SHFL: variants seen among roughly 807,000 people sequenced by gnomAD.
SHFL encodes the protein shiftless antiviral inhibitor of ribosomal frameshifting.
SHFL carries 12 observed loss-of-function variants against 34.7 expected under a neutral mutation model. The ratio of observed to expected loss-of-function variants is 0.35; its 90% CI spans 0.22 to 0.56. The LOEUF is 0.56. Ranked by LOEUF, SHFL falls within the 20% of genes least tolerant of loss-of-function variation. The pLI is 0.88. For synonymous variants in SHFL, 148 were observed against 156.0 expected, an observed-to-expected ratio of 0.95 and a Z score of 0.38; for missense variants, 278 against 411.1, an observed-to-expected ratio of 0.68 and a Z score of 2.80.
chr19:10,087,375 G>A (rs779695207), intron 3 of SHFL, 75 bp downstream of exon 3: 2 of 1,512,180 alleles, frequency 1.3e-6, no homozygotes, highest in Non-Finnish European at 1.8e-6. Flanking sequence ...ACCCGTTCAT[G>A]GTGACTGACC....
In SHFL at chr19:10,091,905, C is replaced by A; in HGVS notation, c.644-165C>A. On this transcript the variant is annotated intron_variant, in intron 7 of 7. Coordinates refer to ENST00000253110, the MANE Select transcript of SHFL (RefSeq NM_018381.4). The surrounding 1 kb of genome is among the most constrained non-coding windows in gnomAD (Gnocchi z 8.2). ...CTGTAATCTCAGGTGACCCCCATGT[C>A]CCCAGGTCTCCTGTATCTTCAACAC... 1.1e-6 allele frequency: 1 copy of A among 919,850 alleles called. No homozygotes were observed. 57.0% of individuals were successfully genotyped at this position (919,850 alleles called of 1,614,324 possible).
rs763222546 is a variant in SHFL at position 10,090,002 on chromosome 19, C to G, written c.339C>G (p.Ser113=). 6.2e-7 allele frequency: 1 copy of G among 1,608,116 alleles called. No homozygotes were observed. Among genetic ancestry groups the G allele is most frequent in the Non-Finnish European group, 8.5e-7 (1 of 1,177,752 alleles). ...IPAVDRQFAC[S]SCDHVWWRRV... Reference sequence around the variant, plus strand: ...CTGTGGACCGGCAGTTTGCCTGCTCCTCCTGCGACCACGTCTGGTGGCGCC... The same window carrying G: ...CTGTGGACCGGCAGTTTGCCTGCTCGTCCTGCGACCACGTCTGGTGGCGCC... Residue 113 remains serine (S), a synonymous_variant, in exon 5 of 8, where the codon TCC becomes TCG. Coordinates refer to ENST00000253110, the MANE Select transcript of SHFL (RefSeq NM_018381.4).
At position 10,086,913 on chromosome 19, in the gene SHFL, CCT is replaced by C. The variant is rs780928721; in HGVS notation, c.22-15_22-14del. ...TTTCCCCTTCCCCCACCGGAACCCC[CCT>C]GTCTCCATCCCAGCTGGAGAAGAGC... On this transcript the variant is annotated splice_polypyrimidine_tract_variant and intron_variant, in intron 1 of 7. Coordinates refer to ENST00000253110, the MANE Select transcript of SHFL (RefSeq NM_018381.4). The surrounding 1 kb of genome is among the most constrained non-coding windows in gnomAD (Gnocchi z 5.2). 15 of 1,613,402 alleles carry C rather than the reference CCT, an allele frequency of 9.3e-6. No individual in the cohort carries two copies. The highest frequency in any genetic ancestry group is 6.7e-5 in the African/African-American group (5 of 74,928).
chr19:10,092,216 C>G lies in SHFL; in HGVS notation c.790C>G (p.Leu264Val), dbSNP rs1242080141. Reference protein sequence around the residue: ...CLSQGGLLEDLDNLILEDLKE... With the variant: ...CLSQGGLLEDVDNLILEDLKE... ...GAGCCAGGGTGGCCTCCTGGAAGAC[C>G]TGGACAACCTCATCCTGGAGGACCT... Residue 264 changes from leucine to valine, a missense_variant, in exon 8 of 8, where the codon CTG (leucine) becomes GTG (valine). Leu to Val is a conservative substitution (Grantham distance 32). This residue lies in a region of SHFL where 243 missense variants were observed against 386.2 expected (regional missense o/e 0.63). Transcript: ENST00000253110. 6.8e-6 allele frequency: 11 copies of G among 1,613,348 alleles called. No homozygotes were observed. Among genetic ancestry groups the G allele is most frequent in the Non-Finnish European group, 9.3e-6 (11 of 1,179,670 alleles).
In SHFL at chr19:10,086,639, C is replaced by T; in HGVS notation, c.21+191C>T. On this transcript the variant is annotated intron_variant, in intron 1 of 7. Transcript: ENST00000253110. The surrounding 1 kb of genome is among the most constrained non-coding windows in gnomAD (Gnocchi z 5.2). ...GTTTCCCCAGAGCGAAATGAGGCCT[C>T]CCCGAGGAAAAGCGGGGGCTGCAGG... 1 of 580,028 alleles carries T rather than the reference C, an allele frequency of 1.7e-6. No individual in the cohort carries two copies. The highest frequency in any genetic ancestry group is 2.8e-6 in the Non-Finnish European group (1 of 357,426). 35.9% of individuals were successfully genotyped at this position (580,028 alleles called of 1,614,324 possible). A position where few individuals can be genotyped will look rare whatever the true frequency, so the allele number is the denominator to read the frequency against.
In SHFL at chr19:10,091,924, T is replaced by G; in HGVS notation, c.644-146T>G. The stretch of plus-strand genomic sequence containing the variant: ...CCATGTCCCCAGGTCTCCTGTATCT[T>G]CAACACCCCTGAATGTCCAGTTGTG... On this transcript the variant is annotated intron_variant, in intron 7 of 7. Transcript: ENST00000253110. The surrounding 1 kb of genome is among the most constrained non-coding windows in gnomAD (Gnocchi z 8.2). The G allele has an allele frequency of 9.5e-7, 1 of 1,057,844 alleles. No homozygotes were observed. The highest frequency in any genetic ancestry group is 1.4e-6 in the Non-Finnish European group (1 of 726,216). 65.5% of individuals were successfully genotyped at this position (1,057,844 alleles called of 1,614,324 possible). A position where few individuals can be genotyped will look rare whatever the true frequency, so the allele number is the denominator to read the frequency against.
At chr19:10,087,581 G>A (rs555087049) in intron 3 of SHFL, 30 of 516,168 alleles carry the variant, frequency 5.8e-5, no homozygotes, top group Middle Eastern at 3.0e-4. Context: ...CCATCATAGC[G>A]GGGGCGCAGA....
In SHFL at chr19:10,086,726, G is replaced by C; in HGVS notation, c.22-203G>C. 1.5e-6 allele frequency: 1 copy of C among 658,650 alleles called. No homozygotes were observed. Among genetic ancestry groups the C allele is most frequent in the Non-Finnish European group, 2.5e-6 (1 of 392,688 alleles). 40.8% of individuals were successfully genotyped at this position (658,650 alleles called of 1,614,324 possible). A position where few individuals can be genotyped will look rare whatever the true frequency, so the allele number is the denominator to read the frequency against. Reference sequence around the variant, plus strand: ...CCCCACACCTTAGGCTGGGACGCTCGCCCCAGTCCGCGCCTTCCCCCAACG... The same window carrying C: ...CCCCACACCTTAGGCTGGGACGCTCCCCCCAGTCCGCGCCTTCCCCCAACG... On this transcript the variant is annotated intron_variant, in intron 1 of 7. Transcript: ENST00000253110. This position sits in a 1 kb window ranked among gnomAD's most constrained non-coding sequence, Gnocchi z 5.2.
intron 3 of SHFL, chr19:10,089,248 G>A: frequency 6.5e-7 from 1 of 1,538,222 alleles, no homozygotes; most frequent in Non-Finnish European, 8.8e-7. Context: ...GCTTGCCCAA[G>A]TCCCCACAGC....
At chr19:10,087,624 C>A in intron 3 of SHFL, 1 of 326,610 alleles carries the variant, frequency 3.1e-6, no homozygotes, top group African/African-American at 2.3e-5. Flanking sequence ...GAGGAGGTAC[C>A]AAGTCTTAAA....
rs543553171 is a variant in SHFL at position 10,091,862 on chromosome 19, G to A, written c.644-208G>A. 3.5e-5 allele frequency: 31 copies of A among 888,450 alleles called. No homozygotes were observed. The highest frequency in any genetic ancestry group is 4.6e-5 in the Non-Finnish European group (28 of 603,978). 55.0% of individuals were successfully genotyped at this position (888,450 alleles called of 1,614,324 possible). A position where few individuals can be genotyped will look rare whatever the true frequency, so the allele number is the denominator to read the frequency against. On this transcript the variant is annotated intron_variant, in intron 7 of 7. Coordinates refer to ENST00000253110, the MANE Select transcript of SHFL (RefSeq NM_018381.4). This position sits in a 1 kb window ranked among gnomAD's most constrained non-coding sequence, Gnocchi z 8.2. ...TCTGCCCCCATGGTCTCTGGGTTTG[G>A]GGCCCCTGTTTTGTCCCCTGTAATC...
intron 3 of SHFL, chr19:10,089,246 A>C (rs1568463806): frequency 6.5e-7 from 1 of 1,528,714 alleles, no homozygotes; most frequent in Admixed American, 1.8e-5. Context: ...TGGCTTGCCC[A>C]AGTCCCCACA....
chr19:10,090,105 T>C (rs2145156189), intron 5 of SHFL, 58 bp downstream of exon 5: 3 of 1,540,816 alleles, frequency 1.9e-6, no homozygotes, highest in Non-Finnish European at 2.6e-6. Flanking sequence ...TCCTGACTCC[T>C]ATCCTCAGTG....
Position 10,091,791 on chromosome 19 carries a change from T to C in SHFL, c.643+161T>C. ...GTCTCCGTGGTCTTGCCCAGGAGGC[T>C]CTGAGGTTTCACCCCAGTGGCCCGT... On this transcript the variant is annotated intron_variant, in intron 7 of 7. Transcript: ENST00000253110. The surrounding 1 kb of genome is among the most constrained non-coding windows in gnomAD (Gnocchi z 8.2). 8.9e-7 allele frequency: 1 copy of C among 1,117,456 alleles called. No individual in the cohort carries two copies. Among genetic ancestry groups the C allele is most frequent in the Non-Finnish European group, 1.2e-6 (1 of 807,812 alleles). The allele number at this position is 1,117,456 out of a possible 1,614,324, so 69.2% of individuals were successfully genotyped here. A position where few individuals can be genotyped will look rare whatever the true frequency, so the allele number is the denominator to read the frequency against.
chr19:10,088,208 TGAG>T (rs1338374338), intron 3 of SHFL: 1 of 125,352 alleles, frequency 8.0e-6, no homozygotes, highest in Non-Finnish European at 1.6e-5. Context: ...TGCAGTGAGC[TGAG>T]ATCACACCAT....
At chr19:10,087,637 A>T in intron 3 of SHFL, 3 of 268,858 alleles carry the variant, frequency 1.1e-5, no homozygotes, top group Non-Finnish European at 1.4e-5. Flanking sequence ...GTCTTAAAGG[A>T]TGGGGAGGAG....
At chr19:10,090,154 C>A in intron 5 of SHFL, 107 bp downstream of exon 5, 1 of 1,265,906 alleles carries the variant, frequency 7.9e-7, no homozygotes, top group Non-Finnish European at 1.1e-6. Context: ...CACTGAGAGT[C>A]CAATCCCTGA....
chr19:10,092,557 C>T lies in SHFL; in HGVS notation c.*255C>T. 2 of 1,576,010 alleles carry T rather than the reference C, an allele frequency of 1.3e-6. No homozygotes were observed. The highest frequency in any genetic ancestry group is 8.6e-7 in the Non-Finnish European group (1 of 1,157,014). The stretch of plus-strand genomic sequence containing the variant: ...ACTTGGGCTCCTGCTGACCAATGTC[C>T]TCTAGGGCCTAGGGGACAGAGGAAC... On this transcript the variant is annotated 3_prime_UTR_variant, in exon 8 of 8. Transcript: ENST00000253110.
Position 10,091,419 on chromosome 19 carries a change from T to C in SHFL, c.489-57T>C, listed in dbSNP as rs1463575061. 12 of 890,440 alleles carry C rather than the reference T, an allele frequency of 1.3e-5. No individual in the cohort carries two copies. The highest frequency in any genetic ancestry group is 1.8e-5 in the Non-Finnish European group (12 of 659,566). The allele number at this position is 890,440 out of a possible 1,614,324, so 55.2% of individuals were successfully genotyped here. A position where few individuals can be genotyped will look rare whatever the true frequency, so the allele number is the denominator to read the frequency against. ...ACCCCAGCCCTGCCCCTCCCTGCCC[T>C]GGCCCCACCCTGGCCCAGCCTCGCC... On this transcript the variant is annotated intron_variant, in intron 6 of 7. Transcript: ENST00000253110. This position sits in a 1 kb window ranked among gnomAD's most constrained non-coding sequence, Gnocchi z 8.2.
Sources: gnomAD v4.1 joint callset for allele counts on GRCh38, gnomAD v4.1.1 for gene constraint, gnomAD v4.1.1 regional missense constraint, Gnocchi (gnomAD v3.1) non-coding constraint, MANE v1.5 for transcripts, NCBI Gene and HGNC (gene_info 2026-07-23, HGNC 2026-07-21) for gene names.